The following SLC5A11 variants were observed in gnomAD, a reference collection of about 807,000 sequenced individuals.
The protein encoded by SLC5A11 is solute carrier family 5 member 11.
A neutral mutation model predicts 69.8 loss-of-function variants in SLC5A11; 48 were observed. The observed-to-expected ratio is 0.69, with a 90% confidence interval of 0.55 to 0.87. The LOEUF is 0.87. Ranked by LOEUF, SLC5A11 falls within the 40% of genes least tolerant of loss-of-function variation. SLC5A11 has a pLI of 0.00. For synonymous variants in SLC5A11, 319 were observed against 342.4 expected, an observed-to-expected ratio of 0.93 and a Z score of 0.75; for missense variants, 784 against 866.1, an observed-to-expected ratio of 0.91 and a Z score of 1.19.
chr16:24,864,061 C>A (rs1182541618), intron 3 of SLC5A11, among the ~76,000 whole-genome samples: 1 of 152,122 alleles, frequency 6.6e-6, no homozygotes, highest in Non-Finnish European at 1.5e-5. Flanking sequence ...GTGGCAATAA[C>A]AGTTTGGCAA....
chr16:24,910,227 G>T, intron 14 of SLC5A11, 79 bp from the exon 16 acceptor site: 1 of 1,446,990 alleles, frequency 6.9e-7, no homozygotes. Context: ...TGTGGGGTTG[G>T]GTGGGGAGTG....
At chr16:24,899,757 G>C (rs190908973) in intron 10 of SLC5A11, among the ~76,000 whole-genome samples, 139 of 152,060 alleles carry the variant, frequency 9.1e-4, no homozygotes, top group African/African-American at 3.3e-3. Flanking sequence ...AGGCTGGAGT[G>C]CAGTGGCATG....
chr16:24,856,049 A>G (rs1303440490), intron 1 of SLC5A11, among the ~76,000 whole-genome samples: 3 of 152,200 alleles, frequency 2.0e-5, no homozygotes, highest in Admixed American at 6.6e-5. Context: ...CCTCACTGAC[A>G]TCCTTTAACC....
chr16:24,873,283 A>AAGGAAGGAAGGAAGGAAGGT (rs2047448017), intron 5 of SLC5A11, among the ~76,000 whole-genome samples: 1 of 149,354 alleles, frequency 6.7e-6, no homozygotes, highest in Non-Finnish European at 1.5e-5. Flanking sequence ...GGAAGGAAGG[A>AAGGAAGGAAGGAAGGAAGGT]AGGAAGGAAG....
intron 8 of SLC5A11, among the ~76,000 whole-genome samples, chr16:24,889,855 C>A (rs1041102992): frequency 2.0e-5 from 3 of 152,034 alleles, no homozygotes; most frequent in Non-Finnish European, 4.4e-5. Flanking sequence ...GCCAGTCTTA[C>A]AATTTAATGG....
At chr16:24,846,188 T>C (rs1352108744) in exon 1 of SLC5A11, 1 of 152,390 alleles carries the variant, frequency 6.6e-6, no homozygotes, top group Non-Finnish European at 1.5e-5. Flanking sequence ...TTCTCTCTTC[T>C]GCCCTGGGGA....
chr16:24,880,629 T>C (rs529902200), intron 7 of SLC5A11, among the ~76,000 whole-genome samples: 4 of 152,226 alleles, frequency 2.6e-5, no homozygotes, highest in Admixed American at 6.5e-5. Flanking sequence ...CCACCGTGCC[T>C]GGCCTAGTGC....
chr16:24,852,246 A>G (rs1296890907), intron 1 of SLC5A11, among the ~76,000 whole-genome samples: 1 of 152,150 alleles, frequency 6.6e-6, no homozygotes, highest in African/African-American at 2.4e-5. Flanking sequence ...CGGCAAATAC[A>G]ATCACAGCTC....
At chr16:24,904,528 T>A (rs1184204060) in intron 10 of SLC5A11, among the ~76,000 whole-genome samples, 2 of 152,190 alleles carry the variant, frequency 1.3e-5, no homozygotes, top group African/African-American at 4.8e-5. Flanking sequence ...TTCCTGTCTG[T>A]GCCAGCCACC....
intron 7 of SLC5A11, among the ~76,000 whole-genome samples, chr16:24,881,333 C>A (rs1219336190): frequency 6.6e-6 from 1 of 152,086 alleles, no homozygotes; most frequent in Non-Finnish European, 1.5e-5. Context: ...GTTGCCCAGG[C>A]TGGAGTGCAA....
At chr16:24,910,883 T>C (rs760701928) in intron 15 of SLC5A11, among the ~76,000 whole-genome samples, 23 of 151,966 alleles carry the variant, frequency 1.5e-4, no homozygotes, top group Non-Finnish European at 3.1e-4. Context: ...AATTGAGAGA[T>C]TTTGGCCGGT....
At chr16:24,849,621 T>TATATATATATATATATATATCTGC (rs1460290781) in intron 1 of SLC5A11, among the ~76,000 whole-genome samples, 1 of 123,694 alleles carries the variant, frequency 8.1e-6, no homozygotes, top group African/African-American at 3.1e-5. Context: ...TATATATATA[T>TATATATATATATATATATATCTGC]ATCCATGAGA....
chr16:24,849,587 AAAAAAAATATATAT>A (rs1429741689), intron 1 of SLC5A11, among the ~76,000 whole-genome samples: 9 of 81,884 alleles, frequency 1.1e-4, no homozygotes, highest in East Asian at 2.8e-4. Context: ...AAAAAAAAAA[AAAAAAAATATATAT>A]ATATATATAT....
chr16:24,885,597 G>A (rs1177106390), intron 8 of SLC5A11, among the ~76,000 whole-genome samples: 2 of 142,096 alleles, frequency 1.4e-5, no homozygotes, highest in Admixed American at 7.4e-5. Flanking sequence ...GCGGTGAGCT[G>A]AGATTGTGCC....
chr16:24,891,086 T>C lies in SLC5A11; in HGVS notation c.870+12T>C, dbSNP rs1038664884. On this transcript the variant is annotated intron_variant, in intron 9 of 15. Coordinates refer to ENST00000347898, the Ensembl canonical transcript of SLC5A11. ...GGTGCACGGATCAGGTACAGGACAG[T>C]GGCCTGAGCAAGTTTTTCCTTCTCT... is the stretch of plus-strand genomic sequence containing the variant. 4 of 1,606,272 alleles carry C rather than the reference T, an allele frequency of 2.5e-6. No individual in the cohort carries two copies. Among genetic ancestry groups the C allele is most frequent in the Non-Finnish European group, 3.4e-6 (4 of 1,174,100 alleles).
intron 14 of SLC5A11, 131 bp downstream of exon 15, chr16:24,909,227 G>A (rs934002659): frequency 1.1e-6 from 1 of 898,082 alleles, no homozygotes; most frequent in Non-Finnish European, 1.7e-6. Flanking sequence ...AGGTTCAGGG[G>A]CAGGATGATT....
At chr16:24,877,921 T>A (rs765433730) in intron 7 of SLC5A11, among the ~76,000 whole-genome samples, 10 of 151,148 alleles carry the variant, frequency 6.6e-5, no homozygotes, top group Middle Eastern at 3.2e-3. Context: ...GAGGCGGAGG[T>A]TGCAGTGAGC....
chr16:24,876,477 C>T (rs1375609834), intron 6 of SLC5A11, among the ~76,000 whole-genome samples: 4 of 152,188 alleles, frequency 2.6e-5, no homozygotes, highest in Non-Finnish European at 5.9e-5. Context: ...TGGCAAAGAA[C>T]AGGTGTATTG....
intron 2 of SLC5A11, among the ~76,000 whole-genome samples, 169 bp from the exon 4 acceptor site, chr16:24,862,432 A>C (rs1323791701): frequency 3.3e-5 from 5 of 152,378 alleles, no homozygotes; most frequent in Non-Finnish European, 7.3e-5. Flanking sequence ...TCCTCTAAAG[A>C]CACAAAATTA....
Sources: gnomAD v4.1 joint callset for allele counts (sites outside exome capture counted in the v4.1 genomes callset) on GRCh38, gnomAD v4.1.1 for gene constraint, MANE v1.5 for transcripts, NCBI Gene and HGNC (gene_info 2026-07-23, HGNC 2026-07-21) for gene names.